TMEM168: variants seen among roughly 807,000 people sequenced by gnomAD.
TMEM168 encodes the protein transmembrane protein 168.
In TMEM168, 40 loss-of-function variants were observed where a neutral mutation model predicts 53.2. The ratio of observed to expected loss-of-function variants is 0.75; its 90% CI spans 0.58 to 0.98. The LOEUF (loss-of-function observed/expected upper bound fraction) is 0.98, where lower values mean the gene tolerates loss of function less well. TMEM168 is among the 50% of genes least tolerant of loss of function. TMEM168 has a pLI of 0.00. For synonymous variants in TMEM168, 282 were observed against 293.0 expected (o/e 0.96, Z 0.38); for missense variants, 771 against 828.8 (o/e 0.93, Z 0.86).
At chr7:112,776,936 A>G (rs1367791964) in intron 2 of TMEM168, among the ~76,000 whole-genome samples, 1 of 152,108 alleles carries the variant, frequency 6.6e-6, no homozygotes, top group African/African-American at 2.4e-5. Flanking sequence ...CAAAACTAGA[A>G]TAAATATCAA....
Position 112,767,367 on chromosome 7 carries a change from G to A in TMEM168, c.1924C>T (p.His642Tyr). 6.2e-7 allele frequency: 1 copy of A among 1,614,188 alleles called. No individual in the cohort carries two copies. The highest frequency in any genetic ancestry group is 8.5e-7 in the Non-Finnish European group (1 of 1,180,012). Residue 642 changes from histidine (H) to tyrosine (Y), a missense_variant, in exon 5 of 5, where the codon CAC becomes TAC. Coordinates refer to ENST00000312814, the MANE Select transcript of TMEM168 (RefSeq NM_022484.6). The part of the protein sequence containing the change: ...GSDVAKHWML[H>Y]FPRITYPLVH... ...AGGGGATATGTAATACGAGGAAAGT[G>A]TAACATCCAGTGCTTGGCCACATCG...
rs1473941378 is a variant in TMEM168, at chr7:112,784,738, G to A, written c.88C>T (p.His30Tyr). 1.2e-6 allele frequency: 2 copies of A among 1,613,388 alleles called. No individual in the cohort carries two copies. The highest frequency in any genetic ancestry group is 1.7e-4 in the Middle Eastern group (1 of 6,058). Residue 30 changes from histidine (H) to tyrosine (Y), a missense_variant, in exon 2 of 5, where the codon CAT (histidine) becomes TAT (tyrosine). His to Tyr is a moderately conservative substitution (Grantham distance 83). Coordinates refer to ENST00000312814, the MANE Select transcript of TMEM168 (RefSeq NM_022484.6). ...LEEVNREVNM[H>Y]SSVRYLGYLA... ...TAGCCAAGATACCGCACTGAAGAAT[G>A]CATGTTCACTTCTCTATTTACTTCT...
intron 4 of TMEM168, among the ~76,000 whole-genome samples, chr7:112,770,093 T>C (rs577453112): frequency 5.1e-4 from 78 of 152,324 alleles, no homozygotes; most frequent in Admixed American, 2.0e-3. Context: ...AGCTTAAAGC[T>C]CTTTGTCACT....
At chr7:112,779,799 C>A (rs1184406740) in intron 2 of TMEM168, among the ~76,000 whole-genome samples, 1 of 152,142 alleles carries the variant, frequency 6.6e-6, no homozygotes, top group Non-Finnish European at 1.5e-5. Flanking sequence ...AACAAAATTT[C>A]TTTATGCAAT....
chr7:112,779,317 G>A (rs1385398164), intron 2 of TMEM168, among the ~76,000 whole-genome samples: 2 of 152,196 alleles, frequency 1.3e-5, no homozygotes, highest in Non-Finnish European at 2.9e-5. Context: ...ACACAAGTTA[G>A]TATTTTGGCA....
At chr7:112,775,755 A>AT (rs1235403630) in intron 2 of TMEM168, among the ~76,000 whole-genome samples, 6 of 152,112 alleles carry the variant, frequency 3.9e-5, no homozygotes, top group Admixed American at 1.3e-4. Flanking sequence ...GAAAGGGGTC[A>AT]TTTTTTCCCC....
At chr7:112,781,248 C>A (rs917775036) in intron 2 of TMEM168, among the ~76,000 whole-genome samples, 1 of 151,958 alleles carries the variant, frequency 6.6e-6, no homozygotes, top group Non-Finnish European at 1.5e-5. Context: ...TACATGAACA[C>A]CACCACCAAC....
intron 4 of TMEM168, 68 bp from the exon 5 acceptor site, chr7:112,767,812 T>A (rs1175948050): frequency 1.4e-6 from 2 of 1,396,542 alleles, no homozygotes; most frequent in Non-Finnish European, 1.9e-6. Context: ...ACCCTCTTAA[T>A]CATTTTCTTC....
chr7:112,780,046 A>T (rs559057644), intron 2 of TMEM168, among the ~76,000 whole-genome samples: 14 of 152,340 alleles, frequency 9.2e-5, no homozygotes, highest in African/African-American at 2.9e-4. Context: ...TGTTTCAGGA[A>T]ATTTAAGAAC....
At chr7:112,770,608 A>ATG (rs60517211) in intron 4 of TMEM168, among the ~76,000 whole-genome samples, 51,503 of 149,362 alleles carry the variant, frequency 0.34, 12,616 homozygotes, top group African/African-American at 0.7. Context: ...AGATATATAT[A>ATG]TGTGTGTGTG....
chr7:112,779,896 G>C (rs1406392063), intron 2 of TMEM168, among the ~76,000 whole-genome samples: 1 of 152,118 alleles, frequency 6.6e-6, no homozygotes, highest in Non-Finnish European at 1.5e-5. Flanking sequence ...ATGCAAACCA[G>C]ATTTGGAAAA....
chr7:112,786,651 C>T (rs1005552767), intron 1 of TMEM168, among the ~76,000 whole-genome samples: 34 of 151,528 alleles, frequency 2.2e-4, no homozygotes, highest in Non-Finnish European at 4.4e-4. Context: ...TCAACAAATA[C>T]GTTAGAATAT....
At chr7:112,776,148 C>A (rs1793076770) in intron 2 of TMEM168, among the ~76,000 whole-genome samples, 1 of 151,628 alleles carries the variant, frequency 6.6e-6, no homozygotes, top group Non-Finnish European at 1.5e-5. Flanking sequence ...AAATTTAAGA[C>A]CCTAAAGCTA....
Position 112,784,870 on chromosome 7 carries a change from C to A in TMEM168, c.-45G>T. On this transcript the variant is annotated 5_prime_UTR_variant, in exon 2 of 5. Coordinates refer to ENST00000312814, the MANE Select transcript of TMEM168 (RefSeq NM_022484.6). ...TTTCCCTCACGTTACAAAAATTAAC[C>A]GCTTGTATTTCATCCAGTATATCCA... The A allele has an allele frequency of 6.7e-7, 1 of 1,494,344 alleles. No individual in the cohort carries two copies. The highest frequency in any genetic ancestry group is 8.8e-7 in the Non-Finnish European group (1 of 1,130,050). 92.6% of individuals were successfully genotyped at this position (1,494,344 alleles called of 1,614,324 possible).
Position 112,764,386 on chromosome 7 carries a change from G to C in TMEM168, c.*2811C>G, listed in dbSNP as rs1347520884. 6.6e-6 allele frequency: 1 copy of C among 151,926 alleles called. No individual in the cohort carries two copies. Among genetic ancestry groups the C allele is most frequent in the Non-Finnish European group, 1.5e-5 (1 of 67,982 alleles). 9.4% of individuals were successfully genotyped at this position (151,926 alleles called of 1,614,324 possible). A position where few individuals can be genotyped will look rare whatever the true frequency, so the allele number is the denominator to read the frequency against. ...AAGCAACTCTTTCTTAAACATGACA[G>C]CCATAGACAAATTAGTCTCATTGTC... On this transcript the variant is annotated 3_prime_UTR_variant, in exon 5 of 5. Transcript: ENST00000312814.
Position 112,767,540 on chromosome 7 carries a change from T to A in TMEM168, c.1751A>T (p.Gln584Leu), listed in dbSNP as rs890047774. The A allele has an allele frequency of 1.2e-6, 2 of 1,614,168 alleles. No individual in the cohort carries two copies. The highest frequency in any genetic ancestry group is 1.7e-6 in the Non-Finnish European group (2 of 1,180,016). ...CCAGTCTTTTGTAAAGTCACCTAGC[T>A]GTGGCGGGTCAGCTTCTTCAATATC... ...TVDIEEADPP[Q>L]LGDFTKDWVE... is the part of the protein sequence containing the mutation. The change falls in exon 5 of 5, where the codon CAG (glutamine) becomes CTG (leucine). Residue 584 changes from glutamine (Q) to leucine (L), a missense_variant. By Grantham distance (113) the Gln-to-Leu change is moderately radical. Transcript: ENST00000312814.
intron 3 of TMEM168, among the ~76,000 whole-genome samples, chr7:112,773,339 T>C (rs1584439210): frequency 6.6e-6 from 1 of 152,126 alleles, no homozygotes; most frequent in East Asian, 1.9e-4. Context: ...TCCTTATTCG[T>C]ATTTTCTTAC....
chr7:112,782,739 C>G (rs1793264851), intron 2 of TMEM168, among the ~76,000 whole-genome samples: 1 of 152,128 alleles, frequency 6.6e-6, no homozygotes, highest in Non-Finnish European at 1.5e-5. Flanking sequence ...CAAACTGTTA[C>G]AAAGCAGAGA....
At chr7:112,787,037 G>A (rs1006648393) in intron 1 of TMEM168, among the ~76,000 whole-genome samples, 3 of 152,066 alleles carry the variant, frequency 2.0e-5, no homozygotes, top group Non-Finnish European at 4.4e-5. Context: ...CTTTCCTTCC[G>A]CCTCTTCTAG....
Sources: gnomAD v4.1 joint callset for allele counts (sites outside exome capture counted in the v4.1 genomes callset) on GRCh38, gnomAD v4.1.1 for gene constraint, MANE v1.5 for transcripts, NCBI Gene and HGNC (gene_info 2026-07-23, HGNC 2026-07-21) for gene names.